Variants in SEZ6L observed in about 807,000 individuals in gnomAD.
SEZ6L encodes seizure related 6 homolog like.
In SEZ6L, 37 loss-of-function variants were observed where a neutral mutation model predicts 106.2. The ratio of observed to expected loss-of-function variants is 0.35; its 90% confidence interval spans 0.27 to 0.46. The LOEUF (loss-of-function observed/expected upper bound fraction) is 0.46, where lower values mean the gene tolerates loss of function less well. SEZ6L is among the 20% of genes least tolerant of loss of function. The pLI, the probability that SEZ6L is intolerant of heterozygous loss-of-function variation, is 1.00. For missense variants in SEZ6L, 1,172 were observed against 1,332.8 expected, an observed-to-expected ratio of 0.88 and a Z score of 1.88; for synonymous variants, 541 against 570.4, an observed-to-expected ratio of 0.95 and a Z score of 0.73.
At chr22:26,264,638 A>G (rs1384578587) in intron 1 of SEZ6L, among the ~76,000 whole-genome samples, 1 of 152,216 alleles carries the variant, frequency 6.6e-6, no homozygotes, top group East Asian at 1.9e-4. Flanking sequence ...TTATGCTTTG[A>G]TGGTTATTTA....
At chr22:26,311,177 C>G (rs1415054441) in intron 7 of SEZ6L, among the ~76,000 whole-genome samples, 1 of 152,054 alleles carries the variant, frequency 6.6e-6, no homozygotes, top group Non-Finnish European at 1.5e-5. Flanking sequence ...GGTGACCGGC[C>G]CAAGACCACC....
chr22:26,250,594 A>G (rs1008211310), intron 1 of SEZ6L, among the ~76,000 whole-genome samples: 1 of 152,150 alleles, frequency 6.6e-6, no homozygotes, highest in African/African-American at 2.4e-5. Flanking sequence ...GTCAGGTAGT[A>G]TGATGCCTCC....
At chr22:26,326,691 A>G (rs4822703) in intron 9 of SEZ6L, among the ~76,000 whole-genome samples, 15,631 of 152,252 alleles carry the variant, frequency 0.1, 1,128 homozygotes, top group Admixed American at 0.24. Flanking sequence ...TTCATCCTGA[A>G]GGCAGCCAGC....
intron 1 of SEZ6L, among the ~76,000 whole-genome samples, chr22:26,185,718 T>C (rs960686401): frequency 6.6e-6 from 1 of 152,152 alleles, no homozygotes; most frequent in African/African-American, 2.4e-5. Context: ...TTTACTCACA[T>C]GATCTCATTT....
intron 1 of SEZ6L, among the ~76,000 whole-genome samples, chr22:26,259,316 G>C (rs1259682180): frequency 2.0e-5 from 3 of 152,098 alleles, no homozygotes; most frequent in Non-Finnish European, 4.4e-5. Flanking sequence ...TGAAAGAATT[G>C]AGGCAAAAAT....
intron 8 of SEZ6L, among the ~76,000 whole-genome samples, chr22:26,312,642 C>T (rs907156366): frequency 3.9e-5 from 6 of 152,208 alleles, no homozygotes; most frequent in African/African-American, 1.4e-4. Flanking sequence ...ACTCGCTCGG[C>T]TCACTGCAGC....
chr22:26,245,648 C>T (rs1475912903), intron 1 of SEZ6L, among the ~76,000 whole-genome samples: 2 of 152,162 alleles, frequency 1.3e-5, no homozygotes, highest in African/African-American at 2.4e-5. Context: ...TGTTATTTGG[C>T]ATTGTGATTA....
chr22:26,374,039 TCA>T (rs1039757554), intron 14 of SEZ6L, among the ~76,000 whole-genome samples: 11 of 152,186 alleles, frequency 7.2e-5, no homozygotes, highest in Non-Finnish European at 1.3e-4. Context: ...GGATTTTATT[TCA>T]GTTTTGTTTT....
rs915923526 is a variant in SEZ6L at position 26,222,992 on chromosome 22, A to C, written c.94+53229A>C. ...TGCATGGGACAGCCTCCCACAAAAA[A>C]AAAAAAAATTATCTGGCCCCAAATG... On this transcript the variant is annotated intron_variant, in intron 1 of 16. Transcript: ENST00000248933. Among the ~76,000 whole-genome samples, 966 of 152,250 alleles carry C rather than the reference A, an allele frequency of 6.3e-3. 10 individuals are homozygous for C. Among genetic ancestry groups the C allele is most frequent in the African/African-American group, 0.022 (905 of 41,538 alleles).
Position 26,380,660 on chromosome 22 carries a change from C to A in SEZ6L, c.*365C>A. Reference sequence around the variant, plus strand: ...ATTGCATGCATCTTTGGGAACCATGCCCATGATGTTTTCAGTACAAATCTA... The same window carrying A: ...ATTGCATGCATCTTTGGGAACCATGACCATGATGTTTTCAGTACAAATCTA... On this transcript the variant is annotated 3_prime_UTR_variant, in exon 17 of 17. Coordinates refer to ENST00000248933, the MANE Select transcript of SEZ6L (RefSeq NM_021115.5). 1 of 204,534 alleles carries A rather than the reference C, an allele frequency of 4.9e-6. No individual in the cohort carries two copies. The highest frequency in any genetic ancestry group is 2.3e-5 in the African/African-American group (1 of 43,764). 12.7% of individuals were successfully genotyped at this position (204,534 alleles called of 1,614,324 possible).
intron 1 of SEZ6L, among the ~76,000 whole-genome samples, chr22:26,221,105 G>A (rs538975974): frequency 1.3e-5 from 2 of 152,274 alleles, no homozygotes; most frequent in South Asian, 2.1e-4. Context: ...CTTTGGAAGA[G>A]TCAGTGAATG....
At chr22:26,179,433 A>G (rs1350229255) in intron 1 of SEZ6L, among the ~76,000 whole-genome samples, 1 of 152,158 alleles carries the variant, frequency 6.6e-6, no homozygotes, top group African/African-American at 2.4e-5. Context: ...CCCTTTCACC[A>G]TGAGAGGTAG....
At chr22:26,328,277 C>T (rs1022247076) in intron 9 of SEZ6L, among the ~76,000 whole-genome samples, 2 of 152,196 alleles carry the variant, frequency 1.3e-5, no homozygotes, top group Non-Finnish European at 2.9e-5. Context: ...CCGCCCTTGC[C>T]CCTCAGCAGG....
rs191011729 is a variant in SEZ6L, at chr22:26,172,337, G to A, written c.94+2574G>A. On this transcript the variant is annotated intron_variant, in intron 1 of 16. Coordinates refer to ENST00000248933, the MANE Select transcript of SEZ6L (RefSeq NM_021115.5). ...TTGCCCGTTCCTGCCAGGGGCCACC[G>A]TATCTAAGCTTGAGGGATTCATCTT... 6.5e-3 allele frequency among the ~76,000 whole-genome samples: 986 copies of A among 152,238 alleles called. 8 individuals are homozygous for A. The highest frequency in any genetic ancestry group is 8.8e-3 in the Non-Finnish European group (597 of 68,020).
intron 1 of SEZ6L, among the ~76,000 whole-genome samples, chr22:26,238,981 G>A (rs541396166): frequency 6.6e-6 from 1 of 152,192 alleles, no homozygotes. Context: ...TCAACACTTT[G>A]GGAGGCCAAG....
chr22:26,365,386 GCA>G lies in SEZ6L; in HGVS notation c.2615_2616del (p.Ala872ValfsTer2), dbSNP rs775036507. On this transcript the variant is annotated frameshift_variant, in exon 13 of 17. Coordinates refer to ENST00000248933, the MANE Select transcript of SEZ6L (RefSeq NM_021115.5). LOFTEE classifies it high-confidence loss of function. ...LPHCVSEESL[A>X]CDNPGLPENG... Reference sequence around the variant, plus strand: ...TTGCATTTCAGCGGAGGAGTCCCTGGCATGTGACAACCCAGGGCTGCCTGAAA... The same window carrying G: ...TTGCATTTCAGCGGAGGAGTCCCTGGTGTGACAACCCAGGGCTGCCTGAAA... The G allele has an allele frequency of 6.2e-7, 1 of 1,605,198 alleles. No individual in the cohort carries two copies. Among genetic ancestry groups the G allele is most frequent in the Non-Finnish European group, 8.5e-7 (1 of 1,172,586 alleles).
intron 11 of SEZ6L, among the ~76,000 whole-genome samples, chr22:26,350,659 T>TC (rs1354483207): frequency 1.3e-5 from 2 of 149,922 alleles, no homozygotes; most frequent in Non-Finnish European, 3.0e-5. Flanking sequence ...AGGAAACTTT[T>TC]TTTTTTTTTT....
At chr22:26,184,147 T>C (rs1042360471) in intron 1 of SEZ6L, among the ~76,000 whole-genome samples, 4 of 152,188 alleles carry the variant, frequency 2.6e-5, no homozygotes, top group Non-Finnish European at 5.9e-5. Context: ...CATATAGACT[T>C]TTGATTCTTA....
intron 1 of SEZ6L, among the ~76,000 whole-genome samples, chr22:26,239,694 C>A (rs1246868939): frequency 6.6e-6 from 1 of 152,158 alleles, no homozygotes; most frequent in Non-Finnish European, 1.5e-5. Context: ...AACTTATCTT[C>A]CCCTGGTTTC....
Sources: allele counts gnomAD v4.1 joint callset (sites outside exome capture counted in the v4.1 genomes callset), GRCh38; gene constraint gnomAD v4.1.1; transcripts MANE v1.5; gene names NCBI Gene and HGNC (gene_info 2026-07-23, HGNC 2026-07-21).